CDKAL1: variants seen among roughly 807,000 people sequenced by gnomAD.
The protein encoded by CDKAL1 is threonylcarbamoyladenosine tRNA methylthiotransferase.
A neutral mutation model predicts 68.2 loss-of-function variants in CDKAL1; 32 were observed. The ratio of observed to expected loss-of-function variants is 0.47; its 90% CI spans 0.35 to 0.63. The LOEUF (loss-of-function observed/expected upper bound fraction) is 0.63. Ranked by LOEUF, CDKAL1 falls within the 30% of genes least tolerant of loss-of-function variation. The pLI, the probability that CDKAL1 is intolerant of heterozygous loss-of-function variation, is 0.00. For missense variants in CDKAL1, 606 were observed against 696.7 expected, an observed-to-expected ratio of 0.87 and a Z score of 1.47; for synonymous variants, 234 against 244.3, an observed-to-expected ratio of 0.96 and a Z score of 0.39.
At chr6:20,846,241 G>C (rs1778370684) in intron 9 of CDKAL1, 63 bp downstream of exon 9, 1 of 994,042 alleles carries the variant, frequency 1.0e-6, no homozygotes, top group Non-Finnish European at 1.5e-6. Flanking sequence ...AGCCTTCTAA[G>C]TAATACTTCA....
At chr6:21,070,387 TTTTG>T in intron 12 of CDKAL1, among the ~76,000 whole-genome samples, 1 of 118,188 alleles carries the variant, frequency 8.5e-6, no homozygotes, top group South Asian at 3.2e-4. Flanking sequence ...GCTTTTTTCT[TTTTG>T]TTTCTCTCTT....
intron 7 of CDKAL1, among the ~76,000 whole-genome samples, chr6:20,765,744 C>G (rs926650962): frequency 1.3e-5 from 2 of 152,164 alleles, no homozygotes; most frequent in African/African-American, 4.8e-5. Context: ...TACATCACTT[C>G]ATTCTATACC....
In CDKAL1 at chr6:20,941,670, A is replaced by G. The variant is rs146886407; in HGVS notation, c.743-13749A>G. On this transcript the variant is annotated intron_variant, in intron 9 of 15. Transcript: ENST00000274695. ...TAGTGAACGATGGTGATAAGCCATG[A>G]AGAGGGAGAGAAGTATCCTTAACTG... Among the ~76,000 whole-genome samples the G allele has an allele frequency of 2.0e-3, 301 of 152,334 alleles. 3 individuals are homozygous for G. Among genetic ancestry groups the G allele is most frequent in the African/African-American group, 7.0e-3 (292 of 41,576 alleles).
At chr6:21,103,594 G>C (rs79205226) in intron 12 of CDKAL1, among the ~76,000 whole-genome samples, 2 of 151,960 alleles carry the variant, frequency 1.3e-5, no homozygotes, top group African/African-American at 4.8e-5. Flanking sequence ...TTAAACCCAC[G>C]GCAGCCCGCA....
At chr6:21,090,805 C>CTTTTTTTTT (rs67647227) in intron 12 of CDKAL1, among the ~76,000 whole-genome samples, 16 of 132,600 alleles carry the variant, frequency 1.2e-4, no homozygotes, top group South Asian at 2.4e-4. Flanking sequence ...TTTCTTTTTT[C>CTTTTTTTTT]TTTTTTTTTT....
At chr6:21,005,631 ATCTTACTGTGGCG>A (rs1767684047) in intron 11 of CDKAL1, among the ~76,000 whole-genome samples, 1 of 152,232 alleles carries the variant, frequency 6.6e-6, no homozygotes, top group Non-Finnish European at 1.5e-5. Context: ...GTTAAGTTGC[ATCTTACTGTGGCG>A]TCTCCATGTT....
intron 12 of CDKAL1, among the ~76,000 whole-genome samples, chr6:21,079,550 A>G (rs369046603): frequency 2.0e-5 from 3 of 152,246 alleles, no homozygotes; most frequent in East Asian, 1.9e-4. Context: ...TCTGTGTTCT[A>G]TGGAAAACAT....
intron 13 of CDKAL1, among the ~76,000 whole-genome samples, chr6:21,175,329 T>C (rs866480028): frequency 6.6e-6 from 1 of 152,246 alleles, no homozygotes; most frequent in Admixed American, 6.5e-5. Context: ...GTTTTCTGAC[T>C]ATAAAATCTA....
chr6:20,896,248 C>T (rs987586808), intron 9 of CDKAL1, among the ~76,000 whole-genome samples: 16 of 151,772 alleles, frequency 1.1e-4, no homozygotes, highest in African/African-American at 2.4e-4. Context: ...CTACAGGCTC[C>T]GCCACCACAC....
intron 13 of CDKAL1, among the ~76,000 whole-genome samples, chr6:21,193,082 A>G (rs748634231): frequency 7.9e-5 from 12 of 152,028 alleles, no homozygotes; most frequent in Admixed American, 2.6e-4. Flanking sequence ...GCCTCCCCGA[A>G]TGCTGGGATT....
rs553823271 is a variant in CDKAL1, at chr6:20,794,412, G to A, written c.638+13147G>A. On this transcript the variant is annotated intron_variant, in intron 8 of 15. Coordinates refer to ENST00000274695, the MANE Select transcript of CDKAL1 (RefSeq NM_017774.3). ...AAGCTATTTGTTTATGTGCTACACT[G>A]CTTAAAATCTCTTACCAGCTAATGA... Among the ~76,000 whole-genome samples, 3 of 152,186 alleles carry A rather than the reference G, an allele frequency of 2.0e-5. No homozygotes were observed. The East Asian group carries it at 5.8e-4, about 29-fold the overall frequency.
chr6:20,928,565 T>G (rs1289692440), intron 9 of CDKAL1, among the ~76,000 whole-genome samples: 1 of 152,154 alleles, frequency 6.6e-6, no homozygotes, highest in South Asian at 2.1e-4. Flanking sequence ...CTTTATTTTC[T>G]AGATGAAGAA....
At chr6:20,829,716 G>A (rs945647034) in intron 8 of CDKAL1, among the ~76,000 whole-genome samples, 3 of 152,210 alleles carry the variant, frequency 2.0e-5, no homozygotes, top group African/African-American at 7.2e-5. Context: ...TGCAAGAGCA[G>A]AAGTAGACCA....
chr6:20,690,905 T>C (rs73377328), intron 5 of CDKAL1, among the ~76,000 whole-genome samples: 1,774 of 152,296 alleles, frequency 0.012, 30 homozygotes, highest in African/African-American at 0.035. Context: ...ACTTTATTAC[T>C]GTAAATAGGA....
At chr6:20,547,317 T>G (rs1262146966) in intron 3 of CDKAL1, among the ~76,000 whole-genome samples, 3 of 152,212 alleles carry the variant, frequency 2.0e-5, no homozygotes, top group Non-Finnish European at 4.4e-5. Context: ...TGGGTATTAC[T>G]GTAGTTGATA....
chr6:20,780,875 T>A (rs1581567560), intron 7 of CDKAL1, among the ~76,000 whole-genome samples: 1 of 152,202 alleles, frequency 6.6e-6, no homozygotes, highest in Non-Finnish European at 1.5e-5. Flanking sequence ...AGTTTCACCA[T>A]GTTGATCAGG....
At chr6:21,023,871 G>A (rs9465948) in intron 11 of CDKAL1, among the ~76,000 whole-genome samples, 28,516 of 151,942 alleles carry the variant, frequency 0.19, 2,842 homozygotes, top group South Asian at 0.32. Context: ...ACTTTAGTGG[G>A]TACGTTAGTT....
intron 13 of CDKAL1, among the ~76,000 whole-genome samples, chr6:21,162,823 G>A (rs1026403193): frequency 6.6e-6 from 1 of 152,168 alleles, no homozygotes; most frequent in Non-Finnish European, 1.5e-5. Context: ...AGCTGCTCAG[G>A]AGGCTGAGGT....
chr6:21,191,233 G>A (rs1778224685), intron 13 of CDKAL1, among the ~76,000 whole-genome samples: 1 of 152,294 alleles, frequency 6.6e-6, no homozygotes, highest in South Asian at 2.1e-4. Context: ...GACTTAGAGT[G>A]TACTTGAGGA....
Sources: gnomAD v4.1 joint callset for allele counts (sites outside exome capture counted in the v4.1 genomes callset) on GRCh38, gnomAD v4.1.1 for gene constraint, MANE v1.5 for transcripts, NCBI Gene and HGNC (gene_info 2026-07-23, HGNC 2026-07-21) for gene names.